The following BTBD7 variants were observed in gnomAD, a reference collection of about 807,000 sequenced individuals.
BTBD7 encodes the protein BTB/POZ domain-containing protein 7.
Under a neutral mutation model 99.9 loss-of-function variants are expected in BTBD7, and 38 were observed. That is an observed-to-expected ratio of 0.38 (90% CI 0.29 to 0.50). The LOEUF is 0.50. BTBD7 is among the 20% of genes least tolerant of loss of function. The probability of loss-of-function intolerance (pLI) is 0.93; values close to 1 mark genes in which losing one functional copy is unlikely to be tolerated. For synonymous variants in BTBD7, 520 were observed against 511.4 expected, an observed-to-expected ratio of 1.02 and a Z score of -0.23; for missense variants, 1,170 against 1,394.6, an observed-to-expected ratio of 0.84 and a Z score of 2.57.
rs568034048 is a variant in BTBD7, at chr14:93,275,845, T to C, written c.1163-11852A>G. Among the ~76,000 whole-genome samples, 5 of 152,354 alleles carry C rather than the reference T, an allele frequency of 3.3e-5. No homozygotes were observed. In the East Asian group the frequency reaches 9.6e-4, roughly 29 times the overall value. ...GACCACTGTTGTACATGTGGTCTGC[T>C]GTTTACTGAATCATCATTATGTGGT... On this transcript the variant is annotated intron_variant, in intron 3 of 10. Coordinates refer to ENST00000334746, the MANE Select transcript of BTBD7 (RefSeq NM_001002860.4).
rs755807975 is a variant in BTBD7 at position 93,263,997 on chromosome 14, A to C, written c.1163-4T>G. On this transcript the variant is annotated splice_region_variant and splice_polypyrimidine_tract_variant and intron_variant, in intron 3 of 10. Coordinates refer to ENST00000334746, the MANE Select transcript of BTBD7 (RefSeq NM_001002860.4). ...TCAGCAATGATATCCTCACAGCCTAAAAGAGAAGGCAAATACTTCTTGAGA... is the reference window on the plus strand; with the variant it reads ...TCAGCAATGATATCCTCACAGCCTACAAGAGAAGGCAAATACTTCTTGAGA... The C allele has an allele frequency of 9.9e-6, 16 of 1,610,978 alleles. No individual in the cohort carries two copies. In the Admixed American group the frequency reaches 2.5e-4, roughly 25 times the overall value.
At chr14:93,283,031 T>G (rs2052738930) in intron 3 of BTBD7, among the ~76,000 whole-genome samples, 1 of 152,216 alleles carries the variant, frequency 6.6e-6, no homozygotes, top group African/African-American at 2.4e-5. Flanking sequence ...GAGAAAAGGT[T>G]TTGCTTGCTG....
intron 1 of BTBD7, among the ~76,000 whole-genome samples, chr14:93,309,862 T>C (rs1194512812): frequency 6.6e-6 from 1 of 152,218 alleles, no homozygotes; most frequent in African/African-American, 2.4e-5. Flanking sequence ...TTTTGTAATT[T>C]TTGTAATAAA....
chr14:93,320,585 G>T (rs1595342182), intron 1 of BTBD7, among the ~76,000 whole-genome samples: 2 of 147,302 alleles, frequency 1.4e-5, no homozygotes, highest in African/African-American at 5.4e-5. Context: ...ACCTGATTGA[G>T]AATTACAGCA....
intron 3 of BTBD7, among the ~76,000 whole-genome samples, chr14:93,274,402 C>G (rs1010524986): frequency 1.3e-5 from 2 of 152,206 alleles, no homozygotes; most frequent in Non-Finnish European, 2.9e-5. Context: ...GGAGTCAGCA[C>G]CTCTGGAAAT....
At position 93,261,628 on chromosome 14, in the gene BTBD7, T is replaced by A; in HGVS notation, c.1421A>T (p.Gln474Leu). 6.2e-7 allele frequency: 1 copy of A among 1,612,294 alleles called. No homozygotes were observed. The highest frequency in any genetic ancestry group is 1.3e-5 in the African/African-American group (1 of 75,038). The change falls in exon 5 of 11, where the codon CAG (glutamine) becomes CTG (leucine). Residue 474 changes from glutamine to leucine, a missense_variant. Transcript: ENST00000334746. ...LKYLIKWGEHQLMKRIADREP... is the reference protein window; with the variant it reads ...LKYLIKWGEHLLMKRIADREP... Reference sequence around the variant, plus strand: ...TCTATCTGCTATTCTTTTCATCAACTGATGCTCTCCCCATTTAATCAGATA... The same window carrying A: ...TCTATCTGCTATTCTTTTCATCAACAGATGCTCTCCCCATTTAATCAGATA...
At chr14:93,247,679 G>A (rs781035604) in intron 9 of BTBD7, among the ~76,000 whole-genome samples, 5 of 152,136 alleles carry the variant, frequency 3.3e-5, no homozygotes, top group Non-Finnish European at 7.4e-5. Context: ...CGGATTAAAG[G>A]GGTTTGGAGT....
chr14:93,245,965 C>A lies in BTBD7; in HGVS notation c.2443G>T (p.Val815Phe). 1 of 1,614,138 alleles carries A rather than the reference C, an allele frequency of 6.2e-7. No individual in the cohort carries two copies. The highest frequency in any genetic ancestry group is 8.5e-7 in the Non-Finnish European group (1 of 1,180,036). The change falls in exon 10 of 11, where the codon GTC becomes TTC. Residue 815 changes from valine to phenylalanine, a missense_variant. Physicochemically the swap from Val to Phe is conservative, Grantham distance 50. Transcript: ENST00000334746. ...GCAGCTTTCACACTCGGCAAGTAGA[C>A]TGGGGGAGGGCCAGCTTTAGGAGCT... ...RTAPKAGPPP[V>F]YLPSVKAAPP...
chr14:93,303,345 T>C (rs971644795), intron 1 of BTBD7, among the ~76,000 whole-genome samples: 5 of 152,052 alleles, frequency 3.3e-5, no homozygotes, highest in African/African-American at 1.2e-4. Context: ...GACACATGCC[T>C]GTAATCCTGG....
At chr14:93,287,275 C>T (rs1257878477) in intron 3 of BTBD7, among the ~76,000 whole-genome samples, 9 of 151,210 alleles carry the variant, frequency 6.0e-5, no homozygotes, top group Non-Finnish European at 1.0e-4. Flanking sequence ...ATATGCTCAT[C>T]ATTTAAAAAG....
chr14:93,279,045 T>A (rs2052688643), intron 3 of BTBD7, among the ~76,000 whole-genome samples: 1 of 152,254 alleles, frequency 6.6e-6, no homozygotes, highest in Non-Finnish European at 1.5e-5. Flanking sequence ...ACAGATTTCA[T>A]CTACTTACAG....
chr14:93,268,238 GC>G lies in BTBD7; in HGVS notation c.1163-4246del, dbSNP rs1326060387. On this transcript the variant is annotated intron_variant, in intron 3 of 10. Transcript: ENST00000334746. ...AGCTTAGATGCTGCCTCTTTTAAGA[GC>G]CTACTTTGATACTGCTCCTCAAAGC... 3.3e-5 allele frequency among the ~76,000 whole-genome samples: 5 copies of G among 152,136 alleles called. No homozygotes were observed. The East Asian group carries it at 9.6e-4, about 29-fold the overall frequency.
chr14:93,277,312 TG>T (rs1222915047), intron 3 of BTBD7, among the ~76,000 whole-genome samples: 1 of 152,152 alleles, frequency 6.6e-6, no homozygotes, highest in African/African-American at 2.4e-5. Flanking sequence ...CATTTAAGCA[TG>T]GGGGGTAATG....
At chr14:93,291,688 A>AT (rs1158749389) in intron 3 of BTBD7, among the ~76,000 whole-genome samples, 8 of 151,466 alleles carry the variant, frequency 5.3e-5, no homozygotes, top group African/African-American at 1.7e-4. Context: ...TGTACACAAG[A>AT]TTTTTTTTTG....
In BTBD7 at chr14:93,332,032, C is replaced by G. The variant is rs545348262; in HGVS notation, c.-107+788G>C. Among the ~76,000 whole-genome samples the G allele has an allele frequency of 2.0e-5, 3 of 152,298 alleles. No homozygotes were observed. In the South Asian group the frequency reaches 6.2e-4, roughly 32 times the overall value. ...TGTAAATTAGGCCTACTCCAGAGTA[C>G]TTATTATCTGTGCTGGTATGTGAAG... On this transcript the variant is annotated intron_variant, in intron 1 of 10. Coordinates refer to ENST00000334746, the MANE Select transcript of BTBD7 (RefSeq NM_001002860.4).
At chr14:93,311,052 T>C (rs1049570149) in intron 1 of BTBD7, among the ~76,000 whole-genome samples, 1 of 152,190 alleles carries the variant, frequency 6.6e-6, no homozygotes, top group African/African-American at 2.4e-5. Flanking sequence ...AAATGAGTAA[T>C]TTTTTACTTT....
At chr14:93,299,930 T>C (rs1168923329) in intron 1 of BTBD7, among the ~76,000 whole-genome samples, 1 of 152,240 alleles carries the variant, frequency 6.6e-6, no homozygotes, top group Non-Finnish European at 1.5e-5. Context: ...GCATTCAGCA[T>C]GATCTAAAGA....
chr14:93,248,960 T>C (rs1169110063), intron 8 of BTBD7, among the ~76,000 whole-genome samples: 1 of 152,198 alleles, frequency 6.6e-6, no homozygotes, highest in Non-Finnish European at 1.5e-5. Context: ...TTCAGAAGTC[T>C]TTAAATATAT....
At chr14:93,261,497 G>C (rs1158058626) in intron 5 of BTBD7, 105 bp downstream of exon 5, 1 of 885,078 alleles carries the variant, frequency 1.1e-6, no homozygotes, top group Admixed American at 2.0e-5. Flanking sequence ...ATTTTCACCA[G>C]GCAACAGTGT....
Sources: allele counts gnomAD v4.1 joint callset (sites outside exome capture counted in the v4.1 genomes callset), GRCh38; gene constraint gnomAD v4.1.1; transcripts MANE v1.5; gene names NCBI Gene and HGNC (gene_info 2026-07-23, HGNC 2026-07-21).